KSR2: variants seen among roughly 807,000 people sequenced by gnomAD.
KSR2 encodes the protein kinase suppressor of ras 2.
In KSR2, 25 loss-of-function variants were observed where a neutral mutation model predicts 107.8. That is an observed-to-expected ratio of 0.23 (90% CI 0.17 to 0.32). KSR2 has a LOEUF of 0.32. KSR2 is among the 10% of genes least tolerant of loss of function. The pLI is 1.00. For missense variants in KSR2, 887 were observed against 1,268.9 expected (o/e 0.70, Z 4.57); for synonymous variants, 480 against 507.0 (o/e 0.95, Z 0.71).
At chr12:117,906,865 C>CA (rs1298692789) in intron 1 of KSR2, among the ~76,000 whole-genome samples, 1 of 151,872 alleles carries the variant, frequency 6.6e-6, no homozygotes, top group Non-Finnish European at 1.5e-5. Flanking sequence ...CCCGTCTCTA[C>CA]AAAAAAATAA....
chr12:117,845,449 T>C (rs1257150004), intron 3 of KSR2, among the ~76,000 whole-genome samples: 2 of 152,186 alleles, frequency 1.3e-5, no homozygotes, highest in African/African-American at 2.4e-5. Context: ...AGCTTAAATG[T>C]CATCTCCCCA....
At chr12:117,927,076 A>T (rs557690208) in intron 1 of KSR2, among the ~76,000 whole-genome samples, 60 of 152,152 alleles carry the variant, frequency 3.9e-4, no homozygotes, top group African/African-American at 9.9e-4. Flanking sequence ...TAATTTTTTT[A>T]AAAAAAGGAC....
chr12:117,821,228 T>C (rs1156879781), intron 3 of KSR2, among the ~76,000 whole-genome samples: 1 of 152,178 alleles, frequency 6.6e-6, no homozygotes, highest in Non-Finnish European at 1.5e-5. Flanking sequence ...TAATAGAACT[T>C]CCCACCTAGT....
At chr12:117,763,537 T>C (rs866033258) in intron 3 of KSR2, among the ~76,000 whole-genome samples, 6 of 152,256 alleles carry the variant, frequency 3.9e-5, no homozygotes, top group African/African-American at 1.2e-4. Flanking sequence ...GTTAGGGCAG[T>C]CACTTTCCTA....
At chr12:117,782,532 T>C (rs1388956873) in intron 3 of KSR2, among the ~76,000 whole-genome samples, 1 of 152,204 alleles carries the variant, frequency 6.6e-6, no homozygotes, top group Non-Finnish European at 1.5e-5. Context: ...CCCAAAGTGT[T>C]GGGATTACAA....
intron 5 of KSR2, among the ~76,000 whole-genome samples, chr12:117,622,881 GC>G (rs1477604590): frequency 4.6e-5 from 7 of 152,170 alleles, no homozygotes; most frequent in African/African-American, 1.7e-4. Context: ...CATGAATACT[GC>G]CCTCTTGGAA....
chr12:117,612,459 T>A (rs917069860), intron 5 of KSR2, among the ~76,000 whole-genome samples: 8 of 152,036 alleles, frequency 5.3e-5, no homozygotes, highest in Non-Finnish European at 8.8e-5. Context: ...ATAAAAAAAA[T>A]TTAAATCACG....
chr12:117,965,439 A>G (rs998055193), intron 1 of KSR2, among the ~76,000 whole-genome samples: 6 of 152,294 alleles, frequency 3.9e-5, no homozygotes, highest in South Asian at 2.1e-4. Context: ...CATATTATTT[A>G]CCACTTAGAC....
chr12:117,793,506 C>A (rs1357323608), intron 3 of KSR2, among the ~76,000 whole-genome samples: 4 of 138,356 alleles, frequency 2.9e-5, no homozygotes, highest in African/African-American at 8.5e-5. Flanking sequence ...CACACCCTTA[C>A]ACCAATATGC....
intron 1 of KSR2, among the ~76,000 whole-genome samples, chr12:117,879,107 G>T (rs1431369633): frequency 6.6e-6 from 1 of 152,076 alleles, no homozygotes; most frequent in Non-Finnish European, 1.5e-5. Context: ...CCCTAGAATT[G>T]TGTGACATAA....
chr12:117,760,928 A>C, intron 4 of KSR2, 83 bp downstream of exon 4: 1 of 1,558,326 alleles, frequency 6.4e-7, no homozygotes, highest in Non-Finnish European at 8.7e-7. Context: ...GGTTTCCTTG[A>C]CCTGGGCAGT....
chr12:117,917,802 C>G (rs372630799), intron 1 of KSR2, among the ~76,000 whole-genome samples: 1 of 152,178 alleles, frequency 6.6e-6, no homozygotes. Flanking sequence ...TCCCCCATCA[C>G]CCGAGGATGA....
intron 3 of KSR2, among the ~76,000 whole-genome samples, chr12:117,837,125 T>TA (rs897825552): frequency 6.6e-6 from 1 of 152,178 alleles, no homozygotes; most frequent in African/African-American, 2.4e-5. Context: ...GCTGCTCTGA[T>TA]AGATGCCTCT....
chr12:117,715,325 C>A (rs865976839), intron 4 of KSR2, among the ~76,000 whole-genome samples: 15 of 152,284 alleles, frequency 9.9e-5, no homozygotes, highest in Middle Eastern at 3.4e-3. Flanking sequence ...TAGCTCGCAG[C>A]CCCCATGAAA....
intron 5 of KSR2, among the ~76,000 whole-genome samples, chr12:117,590,224 T>TTTAAG (rs751424073): frequency 1.3e-5 from 2 of 152,166 alleles, no homozygotes; most frequent in African/African-American, 2.4e-5. Context: ...ATGTGTGGAG[T>TTTAAG]TTAAGTTAGA....
chr12:117,664,001 T>A (rs1212026016), intron 5 of KSR2, among the ~76,000 whole-genome samples: 1 of 152,218 alleles, frequency 6.6e-6, no homozygotes, highest in Admixed American at 6.5e-5. Flanking sequence ...GGAAGCAGGT[T>A]CATTTGAGTC....
At chr12:117,911,638 T>G (rs752398710) in intron 1 of KSR2, among the ~76,000 whole-genome samples, 4 of 151,698 alleles carry the variant, frequency 2.6e-5, no homozygotes, top group Non-Finnish European at 4.4e-5. Context: ...CCTACTTTAT[T>G]TTTTTTTTCC....
chr12:117,516,862 G>A (rs1400022788), intron 14 of KSR2, among the ~76,000 whole-genome samples: 1 of 152,176 alleles, frequency 6.6e-6, no homozygotes, highest in Non-Finnish European at 1.5e-5. Flanking sequence ...GTGTGTCTCA[G>A]AGCTCCTGGC....
rs922724522 is a variant in KSR2 at position 117,867,266 on chromosome 12, T to C, written c.181-6835A>G. Among the ~76,000 whole-genome samples, 4 of 151,642 alleles carry C rather than the reference T, an allele frequency of 2.6e-5. No individual in the cohort carries two copies. The South Asian group carries it at 6.3e-4, about 24-fold the overall frequency. Reference sequence around the variant, plus strand: ...GGGAGGTCGAAGCTGCAGTGAGCTGTGTTCATGCCACTGCACTACAGCCTG... The same window carrying C: ...GGGAGGTCGAAGCTGCAGTGAGCTGCGTTCATGCCACTGCACTACAGCCTG... On this transcript the variant is annotated intron_variant, in intron 1 of 19. Transcript: ENST00000339824.
Sources: allele counts gnomAD v4.1 joint callset (sites outside exome capture counted in the v4.1 genomes callset), GRCh38; gene constraint gnomAD v4.1.1; transcripts MANE v1.5; gene names NCBI Gene and HGNC (gene_info 2026-07-23, HGNC 2026-07-21).